The following CREM variants were observed in gnomAD, a reference collection of about 807,000 sequenced individuals.
CREM encodes the protein cAMP responsive element modulator.
A neutral mutation model predicts 37.3 loss-of-function variants in CREM; 13 were observed. The ratio of observed to expected loss-of-function variants is 0.35; its 90% CI spans 0.23 to 0.55. The LOEUF is 0.55. CREM is among the 20% of genes least tolerant of loss of function. CREM has a pLI of 0.88. For missense variants in CREM, 296 were observed against 362.3 expected (o/e 0.82, Z 1.49); for synonymous variants, 124 against 120.2 (o/e 1.03, Z -0.21).
At chr10:35,211,137 TA>T in intron 7 of CREM, 116 bp from the exon 8 acceptor site, 1 of 1,065,004 alleles carries the variant, frequency 9.4e-7, no homozygotes, top group Non-Finnish European at 1.4e-6. Context: ...TGTGGCTTTG[TA>T]CAGTCCTTAC....
chr10:35,155,035 T>G (rs2092811521), intron 3 of CREM, among the ~76,000 whole-genome samples: 1 of 152,218 alleles, frequency 6.6e-6, no homozygotes, highest in South Asian at 2.1e-4. Context: ...AGTACTTTGC[T>G]TTAAATAAAT....
At chr10:35,167,344 G>T (rs1021269911) in intron 3 of CREM, among the ~76,000 whole-genome samples, 2 of 152,162 alleles carry the variant, frequency 1.3e-5, no homozygotes, top group African/African-American at 4.8e-5. Flanking sequence ...TGCTTAGCTT[G>T]TTAGTGTATT....
chr10:35,137,504 G>GT (rs944851606), intron 1 of CREM, among the ~76,000 whole-genome samples: 4 of 152,070 alleles, frequency 2.6e-5, no homozygotes, highest in African/African-American at 9.7e-5. Context: ...CAGAAAAATA[G>GT]TTTATCATTT....
At chr10:35,177,938 T>C (rs995501246) in intron 3 of CREM, among the ~76,000 whole-genome samples, 2 of 152,136 alleles carry the variant, frequency 1.3e-5, no homozygotes, top group Admixed American at 6.5e-5. Context: ...TGTGTGTGCT[T>C]ATGTGTGGGG....
intron 5 of CREM, among the ~76,000 whole-genome samples, chr10:35,181,331 T>TA: frequency 6.6e-6 from 1 of 152,052 alleles, no homozygotes; most frequent in Non-Finnish European, 1.5e-5. Context: ...AGATAATGGG[T>TA]AAAAGTAGGG....
At chr10:35,146,365 C>G (rs1408625135) in intron 2 of CREM, among the ~76,000 whole-genome samples, 13 of 152,254 alleles carry the variant, frequency 8.5e-5, no homozygotes, top group Admixed American at 8.5e-4. Context: ...GCCCTTCACC[C>G]TTCTCAAGAC....
intron 6 of CREM, among the ~76,000 whole-genome samples, chr10:35,203,820 A>G (rs1254000681): frequency 6.6e-6 from 1 of 152,142 alleles, no homozygotes; most frequent in African/African-American, 2.4e-5. Context: ...CGTCTACAGA[A>G]CTAGAGTGTA....
chr10:35,195,598 A>G lies in CREM; in HGVS notation c.598+7210A>G, dbSNP rs145829816. The stretch of plus-strand genomic sequence containing the variant: ...TCATAGGCAACCTGTTGCAAATTCA[A>G]TCTAGCCGCAGATTAAACATACAGT... On this transcript the variant is annotated intron_variant, in intron 6 of 7. Coordinates refer to ENST00000685392, the MANE Select transcript of CREM (RefSeq NM_183011.2). Among the ~76,000 whole-genome samples, 523 of 152,124 alleles carry G rather than the reference A, an allele frequency of 3.4e-3. 5 individuals are homozygous for G. The highest frequency in any genetic ancestry group is 0.012 in the African/African-American group (504 of 41,474).
At chr10:35,154,044 A>T in intron 3 of CREM, 1 of 398,538 alleles carries the variant, frequency 2.5e-6, no homozygotes, top group Admixed American at 4.4e-5. Flanking sequence ...ATCCTTTCTT[A>T]TCTTTTCCAT....
At chr10:35,134,580 T>G (rs2090110985) in intron 1 of CREM, among the ~76,000 whole-genome samples, 1 of 150,370 alleles carries the variant, frequency 6.7e-6, no homozygotes, top group Non-Finnish European at 1.5e-5. Flanking sequence ...ATTTGTTTGC[T>G]TATATTATAT....
intron 3 of CREM, chr10:35,171,069 G>C (rs2093791101): frequency 6.7e-6 from 1 of 150,186 alleles, no homozygotes; most frequent in Non-Finnish European, 1.5e-5. Flanking sequence ...TGTAGTTACA[G>C]AATCTGTATA....
intron 2 of CREM, 84 bp downstream of exon 2, chr10:35,137,963 C>A: frequency 1.0e-6 from 1 of 977,734 alleles, no homozygotes; most frequent in Non-Finnish European, 1.5e-6. Flanking sequence ...TATAGATGTA[C>A]ACATACATGT....
At chr10:35,185,700 G>A (rs1474049015) in intron 5 of CREM, among the ~76,000 whole-genome samples, 1 of 152,156 alleles carries the variant, frequency 6.6e-6, no homozygotes, top group East Asian at 1.9e-4. Context: ...TGTTTTTAAA[G>A]TGTGTACAGA....
At chr10:35,136,227 G>A (rs902098029) in intron 1 of CREM, among the ~76,000 whole-genome samples, 1 of 152,150 alleles carries the variant, frequency 6.6e-6, no homozygotes, top group Admixed American at 6.5e-5. Flanking sequence ...GTGAAATACA[G>A]AAATTGGCCT....
chr10:35,212,553 C>A lies in CREM; in HGVS notation c.*1155C>A, dbSNP rs1334642436. 3 of 152,720 alleles carry A rather than the reference C, an allele frequency of 2.0e-5. No individual in the cohort carries two copies. The highest frequency in any genetic ancestry group is 7.2e-5 in the African/African-American group (3 of 41,428). The allele number at this position is 152,720 out of a possible 1,614,324, so 9.5% of individuals were successfully genotyped here. A position where few individuals can be genotyped will look rare whatever the true frequency, so the allele number is the denominator to read the frequency against. ...GAGCCTGTTGGGATCGCATTGCATA[C>A]CTTCGGGGTACAAGTCAGTTTCTAC... is the stretch of plus-strand genomic sequence containing the variant. On this transcript the variant is annotated 3_prime_UTR_variant, in exon 8 of 8. Transcript: ENST00000685392.
chr10:35,196,085 C>T (rs2095149368), intron 6 of CREM: 2 of 1,614,040 alleles, frequency 1.2e-6, no homozygotes, highest in Non-Finnish European at 1.7e-6. Context: ...CAGGAGTTGT[C>T]TGGCCAGCTT....
chr10:35,198,939 C>G (rs776170613), intron 6 of CREM, among the ~76,000 whole-genome samples: 13 of 151,984 alleles, frequency 8.6e-5, no homozygotes, highest in Non-Finnish European at 1.3e-4. Flanking sequence ...CACCTGAGGT[C>G]AGGAGTTCAA....
intron 3 of CREM, among the ~76,000 whole-genome samples, chr10:35,165,078 A>AAAAAAAAAG (rs1491207726): frequency 6.7e-6 from 1 of 148,920 alleles, no homozygotes; most frequent in African/African-American, 2.5e-5. Flanking sequence ...AAAAAAAAAA[A>AAAAAAAAAG]GAAAAGGAAA....
chr10:35,181,558 C>T (rs1302704983), intron 5 of CREM, among the ~76,000 whole-genome samples: 1 of 152,060 alleles, frequency 6.6e-6, no homozygotes, highest in Non-Finnish European at 1.5e-5. Flanking sequence ...TGGTTGAGAA[C>T]TAGAAAACTG....
Sources: allele counts gnomAD v4.1 joint callset (sites outside exome capture counted in the v4.1 genomes callset), GRCh38; gene constraint gnomAD v4.1.1; transcripts MANE v1.5; gene names NCBI Gene and HGNC (gene_info 2026-07-23, HGNC 2026-07-21).